MRPL43: variants seen among roughly 807,000 people sequenced by gnomAD.
MRPL43 encodes the protein large ribosomal subunit protein mL43.
A neutral mutation model predicts 12.7 loss-of-function variants in MRPL43; 9 were observed. The observed-to-expected ratio is 0.71, with a 90% CI of 0.43 to 1.24. The LOEUF (loss-of-function observed/expected upper bound fraction) is 1.24, where lower values mean the gene tolerates loss of function less well. Among genes scored for constraint, MRPL43 ranks in the 50% most tolerant of loss-of-function variants. The probability of loss-of-function intolerance (pLI) is 0.00; values close to 1 mark genes in which losing one functional copy is unlikely to be tolerated. For missense variants in MRPL43, 211 were observed against 229.2 expected, an observed-to-expected ratio of 0.92 and a Z score of 0.51; for synonymous variants, 116 against 96.4, an observed-to-expected ratio of 1.20 and a Z score of -1.19.
chr10:100,978,108 A>G (rs1850880041), downstream of MRPL43: 2 of 594,092 alleles, frequency 3.4e-6, no homozygotes, highest in Non-Finnish European at 6.0e-6. Flanking sequence ...TGGAACTCCA[A>G]ACATACATTG....
downstream of MRPL43, chr10:100,979,332 G>A (rs544145409): frequency 2.7e-5 from 43 of 1,614,074 alleles, no homozygotes; most frequent in South Asian, 4.5e-4. Context: ...TGGAGCAGAG[G>A]TCAATGAGGA....
At chr10:100,980,223 C>T (rs565104337), downstream of MRPL43, 41 of 1,614,228 alleles carry the variant, frequency 2.5e-5, no homozygotes, top group South Asian at 3.4e-4. Flanking sequence ...TGGCTCGGCC[C>T]GTTGTGCCCA....
chr10:100,983,572 C>CCA (rs1392472908), downstream of MRPL43: 4 of 1,613,824 alleles, frequency 2.5e-6, no homozygotes, highest in Admixed American at 6.7e-5. Context: ...GTCCGGCCAG[C>CCA]CACTCCTGCC....
chr10:100,987,407 T>C lies in MRPL43; in HGVS notation c.37A>G (p.Ser13Gly). Reference sequence around the variant, plus strand: ...CGACCCAGTCCGTTGTGGAGAACGCTGGCCAAGAAGCGGCTCGGAGTCCCG... The same window carrying C: ...CGACCCAGTCCGTTGTGGAGAACGCCGGCCAAGAAGCGGCTCGGAGTCCCG... ...ARGTPSRFLA[S>G]VLHNGLGRYV... is the part of the protein sequence containing the mutation. Residue 13 changes from serine (S) to glycine (G), a missense_variant, in exon 1 of 3, where the codon AGC becomes GGC. Ser to Gly is a moderately conservative substitution (Grantham distance 56). Coordinates refer to ENST00000318364, the MANE Select transcript of MRPL43 (RefSeq NM_032112.3). The C allele has an allele frequency of 1.2e-6, 2 of 1,612,622 alleles. No homozygotes were observed. Among genetic ancestry groups the C allele is most frequent in the Non-Finnish European group, 1.7e-6 (2 of 1,179,934 alleles).
At position 100,986,795 on chromosome 10, in the gene MRPL43, A is replaced by C; in HGVS notation, c.419T>G (p.Phe140Cys). 6.2e-7 allele frequency: 1 copy of C among 1,613,820 alleles called. No individual in the cohort carries two copies. Among genetic ancestry groups the C allele is most frequent in the Non-Finnish European group, 8.5e-7 (1 of 1,180,006 alleles). Residue 140 changes from phenylalanine to cysteine, a missense_variant, in exon 3 of 3, where the codon TTC becomes TGC. Physicochemically the swap from Phe to Cys is radical, Grantham distance 205. Coordinates refer to ENST00000318364, the MANE Select transcript of MRPL43 (RefSeq NM_032112.3). ...AACCTCTCGGGGGCGTAGCCCGCGGAACGTGGTCGGCTTGTTGGTGAAGGG... is the reference window on the plus strand; with the variant it reads ...AACCTCTCGGGGGCGTAGCCCGCGGCACGTGGTCGGCTTGTTGGTGAAGGG... ...WHPFTNKPTT[F>C]RGLRPREVQD...
At chr10:100,980,071 G>A (rs1347082657), downstream of MRPL43, 11 of 1,612,160 alleles carry the variant, frequency 6.8e-6, no homozygotes, top group African/African-American at 8.0e-5. Context: ...TGTGGAGAGG[G>A]CAGGCAGGTG....
At chr10:100,979,122 G>C (rs961966703), downstream of MRPL43, 3 of 1,614,174 alleles carry the variant, frequency 1.9e-6, no homozygotes, top group Non-Finnish European at 2.5e-6. Context: ...GAGGGAAGAA[G>C]ATCCTGCAGA....
chr10:100,983,617 A>G (rs1031887205), downstream of MRPL43: 6 of 1,614,110 alleles, frequency 3.7e-6, no homozygotes, highest in South Asian at 3.3e-5. Context: ...CCTGGGGCAC[A>G]GCTGGCACCT....
downstream of MRPL43, chr10:100,979,929 C>T: frequency 6.2e-7 from 1 of 1,614,122 alleles, no homozygotes; most frequent in Non-Finnish European, 8.5e-7. Context: ...ATATGGAATA[C>T]CAGGATGGTT....
downstream of MRPL43, chr10:100,980,005 G>A (rs373417158): frequency 1.2e-6 from 2 of 1,613,976 alleles, no homozygotes; most frequent in South Asian, 1.1e-5. Context: ...GAGTGCCCAG[G>A]CCTGGGGCCA....
At position 100,986,838 on chromosome 10, in the gene MRPL43, T is replaced by A; in HGVS notation, c.376A>T (p.Ile126Phe). Residue 126 changes from isoleucine to phenylalanine, a missense_variant, in exon 3 of 3, where the codon ATC becomes TTC. By Grantham distance (21) the Ile-to-Phe change is conservative (BLOSUM62 0). Transcript: ENST00000318364. ...GTGAAGGGGTGCCACTGGCCCTGGA[T>A]GCTAGGGTTGTCGGTGTGGAAGGGC... ...RKPFHTDNPS[I>F]QGQWHPFTNK... is the part of the protein sequence containing the mutation. 1 of 1,613,858 alleles carries A rather than the reference T, an allele frequency of 6.2e-7. No individual in the cohort carries two copies. Among genetic ancestry groups the A allele is most frequent in the Non-Finnish European group, 8.5e-7 (1 of 1,180,020 alleles).
At chr10:100,983,902 C>CA, downstream of MRPL43, 1 of 1,502,920 alleles carries the variant, frequency 6.7e-7, no homozygotes, top group Non-Finnish European at 8.9e-7. Flanking sequence ...GAGGGAGCCC[C>CA]AGCCCCACCA....
downstream of MRPL43, chr10:100,981,037 G>A: frequency 6.3e-7 from 1 of 1,596,192 alleles, no homozygotes; most frequent in Non-Finnish European, 8.5e-7. Flanking sequence ...TGTGGTCTGA[G>A]TGGAGGAGGA....
downstream of MRPL43, chr10:100,979,965 T>C (rs751463430): frequency 3.7e-6 from 6 of 1,613,642 alleles, no homozygotes; most frequent in East Asian, 1.3e-4. Context: ...GCTATGAGGG[T>C]GGGGTGCCTG....
At chr10:100,980,054 C>A, downstream of MRPL43, 1 of 1,613,658 alleles carries the variant, frequency 6.2e-7, no homozygotes, top group Non-Finnish European at 8.5e-7. Context: ...GTCAAAGGGT[C>A]TGGCCTTGTG....
downstream of MRPL43, chr10:100,985,016 C>A: frequency 2.6e-6 from 3 of 1,141,860 alleles, no homozygotes; most frequent in South Asian, 1.7e-5. Context: ...TTGGACCTGT[C>A]TGTTGGGTTT....
At chr10:100,980,915 C>T (rs772130257), downstream of MRPL43, 38 of 1,612,338 alleles carry the variant, frequency 2.4e-5, 1 homozygote, top group South Asian at 3.3e-5. Context: ...CATCTTGGCC[C>T]GAGACCCCTA....
downstream of MRPL43, chr10:100,984,366 TC>T (rs1382183614): frequency 1.3e-5 from 19 of 1,444,592 alleles, no homozygotes; most frequent in Non-Finnish European, 1.7e-5. Context: ...AGGTAGGTGC[TC>T]CCTCAGGATC....
chr10:100,983,786 G>A (rs138067900), downstream of MRPL43: 275 of 1,607,438 alleles, frequency 1.7e-4, no homozygotes, highest in African/African-American at 3.1e-3. Flanking sequence ...GAGGATCTGC[G>A]GTGCAACTGC....
Sources: gnomAD v4.1 joint callset for allele counts on GRCh38, gnomAD v4.1.1 for gene constraint, MANE v1.5 for transcripts, NCBI Gene and HGNC (gene_info 2026-07-23, HGNC 2026-07-21) for gene names.